The following AMOTL1 variants were observed in gnomAD, a reference collection of about 807,000 sequenced individuals.
AMOTL1 encodes the protein angiomotin like 1.
In AMOTL1, 45 loss-of-function variants were observed where a neutral mutation model predicts 102.9. The ratio of observed to expected loss-of-function variants is 0.44; its 90% CI spans 0.34 to 0.56. AMOTL1 has a LOEUF of 0.56. Among genes scored for constraint, AMOTL1 ranks in the 20% least tolerant of loss-of-function variants. The pLI is 0.01. For missense variants in AMOTL1, 1,114 were observed against 1,225.6 expected (o/e 0.91, Z 1.36); for synonymous variants, 481 against 484.7 (o/e 0.99, Z 0.10).
At chr11:94,773,537 A>G (rs1221513049) in intron 1 of AMOTL1, among the ~76,000 whole-genome samples, 1 of 152,148 alleles carries the variant, frequency 6.6e-6, no homozygotes, top group Non-Finnish European at 1.5e-5. Context: ...TACTACTATG[A>G]TGGGGACACA....
rs1179026023 is a variant in AMOTL1 at position 94,874,235 on chromosome 11, G to T, written c.*3440G>T. On this transcript the variant is annotated 3_prime_UTR_variant, in exon 13 of 13. Coordinates refer to ENST00000433060, the MANE Select transcript of AMOTL1 (RefSeq NM_130847.3). ...GTCTGCAGGTCCATATAGCTAAGCT[G>T]CCAGGAAAAACACATTATCTTCCAA... 1 of 152,240 alleles carries T rather than the reference G, an allele frequency of 6.6e-6. No individual in the cohort carries two copies. The highest frequency in any genetic ancestry group is 2.1e-4 in the South Asian group (1 of 4,832). The allele number at this position is 152,240 out of a possible 1,614,324, so 9.4% of individuals were successfully genotyped here.
At chr11:94,841,151 G>A (rs1168451198) in intron 6 of AMOTL1, among the ~76,000 whole-genome samples, 1 of 152,106 alleles carries the variant, frequency 6.6e-6, no homozygotes, top group African/African-American at 2.4e-5. Flanking sequence ...TAAGAAAAGA[G>A]AAGGCAAGGC....
At chr11:94,772,171 C>T (rs2135518082) in intron 1 of AMOTL1, among the ~76,000 whole-genome samples, 1 of 152,262 alleles carries the variant, frequency 6.6e-6, no homozygotes, top group Middle Eastern at 3.4e-3. Context: ...AGGAAATTGA[C>T]ATTGGTACAG....
intron 2 of AMOTL1, among the ~76,000 whole-genome samples, chr11:94,798,800 A>C (rs1951413245): frequency 6.6e-6 from 1 of 152,160 alleles, no homozygotes; most frequent in South Asian, 2.1e-4. Context: ...CATTGCAGGA[A>C]GAGGGTAACC....
rs187191152 is a variant in AMOTL1 at position 94,870,304 on chromosome 11, T to C, written c.2765-385T>C. On this transcript the variant is annotated intron_variant, in intron 12 of 12. Coordinates refer to ENST00000433060, the MANE Select transcript of AMOTL1 (RefSeq NM_130847.3). ...TCCAAGGGGGTTGTTTATTTCATTT[T>C]TCAAAGTAGACAAGTAAATACAATG... Among the ~76,000 whole-genome samples the C allele has an allele frequency of 1.5e-3, 235 of 152,342 alleles. 2 individuals are homozygous for C. The highest frequency in any genetic ancestry group is 5.5e-3 in the African/African-American group (228 of 41,574).
chr11:94,758,117 T>A (rs73530056), intron 3 of AMOTL1, among the ~76,000 whole-genome samples: 2,507 of 152,324 alleles, frequency 0.016, 70 homozygotes, highest in African/African-American at 0.058. Flanking sequence ...TTGGCTCTGT[T>A]AATTTCATTT....
intron 3 of AMOTL1, among the ~76,000 whole-genome samples, chr11:94,804,019 T>C (rs1951525984): frequency 6.6e-6 from 1 of 152,220 alleles, no homozygotes; most frequent in Non-Finnish European, 1.5e-5. Context: ...AACATTTTTA[T>C]TGCTGTATAA....
At chr11:94,726,494 C>G (rs1466614165) in intron 1 of AMOTL1, among the ~76,000 whole-genome samples, 1 of 152,142 alleles carries the variant, frequency 6.6e-6, no homozygotes, top group East Asian at 1.9e-4. Context: ...AGAATTACAT[C>G]TGTAAGTTTT....
In AMOTL1 at chr11:94,787,375, G is replaced by A. The variant is rs922002686; in HGVS notation, c.50-7636G>A. ...TGGTGCCAAGGATAGGTAGGGCAAT[G>A]TACATGAGTTACTATAATTCCAGGC... On this transcript the variant is annotated intron_variant, in intron 1 of 12. Coordinates refer to ENST00000433060, the MANE Select transcript of AMOTL1 (RefSeq NM_130847.3). Among the ~76,000 whole-genome samples the A allele has an allele frequency of 3.3e-5, 5 of 152,200 alleles. No homozygotes were observed. The East Asian group carries it at 9.7e-4, about 29-fold the overall frequency.
At chr11:94,859,502 A>G in intron 8 of AMOTL1, 23 bp from the exon 9 acceptor site, 1 of 1,597,556 alleles carries the variant, frequency 6.3e-7, no homozygotes, top group South Asian at 1.1e-5. Context: ...TTGAGCATCA[A>G]GATTTTTTTT....
At chr11:94,843,160 C>T (rs998494416) in intron 6 of AMOTL1, among the ~76,000 whole-genome samples, 1 of 152,200 alleles carries the variant, frequency 6.6e-6, no homozygotes, top group Non-Finnish European at 1.5e-5. Flanking sequence ...AAAATCAAAC[C>T]AGCATCTTCT....
In AMOTL1 at chr11:94,799,416, T is replaced by C. The variant is rs1451147253; in HGVS notation, c.226T>C (p.Ser76Pro). 6.3e-7 allele frequency: 1 copy of C among 1,584,616 alleles called. No individual in the cohort carries two copies. The highest frequency in any genetic ancestry group is 1.3e-5 in the African/African-American group (1 of 74,308). ...VVEDPLCNFH[S>P]PNFLRISEVE... Reference sequence around the variant, plus strand: ...TGAAGATCCTCTTTGTAACTTCCACTCCCCAAACTTCCTGAGGATCTCAGA... The same window carrying C: ...TGAAGATCCTCTTTGTAACTTCCACCCCCCAAACTTCCTGAGGATCTCAGA... The change falls in exon 3 of 13, where the codon TCC becomes CCC. Residue 76 changes from serine to proline, a missense_variant. Coordinates refer to ENST00000433060, the MANE Select transcript of AMOTL1 (RefSeq NM_130847.3). This position sits in a 1 kb window ranked among gnomAD's most constrained non-coding sequence, Gnocchi z 4.5.
At chr11:94,757,843 C>T (rs1565341283) in intron 3 of AMOTL1, among the ~76,000 whole-genome samples, 1 of 152,176 alleles carries the variant, frequency 6.6e-6, no homozygotes, top group South Asian at 2.1e-4. Flanking sequence ...AGATGGATCA[C>T]CTGAGGTCAG....
intron 1 of AMOTL1, among the ~76,000 whole-genome samples, chr11:94,708,154 C>G (rs1026198822): frequency 1.3e-5 from 2 of 152,294 alleles, no homozygotes; most frequent in Admixed American, 6.5e-5. Context: ...CCCCTTAGCT[C>G]GTCCCCCCTG....
intron 6 of AMOTL1, among the ~76,000 whole-genome samples, chr11:94,844,802 G>T (rs1952374360): frequency 6.6e-6 from 1 of 152,102 alleles, no homozygotes; most frequent in African/African-American, 2.4e-5. Flanking sequence ...TGAAATTTGG[G>T]GAACCATATT....
Position 94,854,097 on chromosome 11 carries a change from A to G in AMOTL1, c.1944+15A>G. The G allele has an allele frequency of 1.3e-6, 2 of 1,524,508 alleles. No individual in the cohort carries two copies. The highest frequency in any genetic ancestry group is 1.8e-6 in the Non-Finnish European group (2 of 1,131,586). 94.4% of individuals were successfully genotyped at this position (1,524,508 alleles called of 1,614,324 possible). ...GAACCCAGCAGGTAAGGAACTGGGC[A>G]TGGACTGGTGAAAGAATTAGATATG... On this transcript the variant is annotated intron_variant, in intron 8 of 12. Coordinates refer to ENST00000433060, the MANE Select transcript of AMOTL1 (RefSeq NM_130847.3).
At chr11:94,811,810 A>C (rs1354365278) in intron 3 of AMOTL1, among the ~76,000 whole-genome samples, 3 of 152,220 alleles carry the variant, frequency 2.0e-5, no homozygotes, top group African/African-American at 7.2e-5. Flanking sequence ...AAGTTTAGCC[A>C]AGACAAAACC....
chr11:94,829,332 T>C (rs6483366), intron 4 of AMOTL1, among the ~76,000 whole-genome samples: 51,575 of 151,198 alleles, frequency 0.34, 10,157 homozygotes, highest in African/African-American at 0.51. Flanking sequence ...AAGCGATCCT[T>C]CCACCTCAGC....
chr11:94,827,864 T>C (rs1189398895), intron 4 of AMOTL1, among the ~76,000 whole-genome samples: 1 of 152,202 alleles, frequency 6.6e-6, no homozygotes, highest in Non-Finnish European at 1.5e-5. Flanking sequence ...GTTTTTGGCT[T>C]CTAGGCTCCT....
Sources: allele counts gnomAD v4.1 joint callset (sites outside exome capture counted in the v4.1 genomes callset), GRCh38; gene constraint gnomAD v4.1.1; non-coding constraint Gnocchi (gnomAD v3.1); transcripts MANE v1.5; gene names NCBI Gene and HGNC (gene_info 2026-07-23, HGNC 2026-07-21).